Variants in ARHGEF7 observed in about 807,000 individuals in gnomAD.
The protein encoded by ARHGEF7 is Rho guanine nucleotide exchange factor 7.
ARHGEF7 carries 33 observed loss-of-function variants against 109.8 expected under a neutral mutation model. The observed-to-expected ratio is 0.30, with a 90% CI of 0.23 to 0.40. ARHGEF7 has a LOEUF of 0.40. Ranked by LOEUF, ARHGEF7 falls within the 10% of genes least tolerant of loss-of-function variation. The pLI, the probability that ARHGEF7 is intolerant of heterozygous loss-of-function variation, is 1.00. For missense variants in ARHGEF7, 938 were observed against 1,098.5 expected (o/e 0.85, Z 2.07); for synonymous variants, 458 against 424.6 (o/e 1.08, Z -0.97).
At chr13:111,151,566 C>A (rs1018409992) in intron 1 of ARHGEF7, among the ~76,000 whole-genome samples, 1 of 152,092 alleles carries the variant, frequency 6.6e-6, no homozygotes, top group South Asian at 2.1e-4. Context: ...CTTCATCACA[C>A]ACTATAGATG....
At chr13:111,267,724 C>A (rs2091781472) in intron 9 of ARHGEF7, 54 bp downstream of exon 9, 1 of 1,599,434 alleles carries the variant, frequency 6.3e-7, no homozygotes, top group Non-Finnish European at 8.5e-7. Context: ...CTGTGTCCTT[C>A]AAATAGTGCA....
chr13:111,203,312 T>C lies in ARHGEF7; in HGVS notation c.253-1977T>C, dbSNP rs1008332832. Among the ~76,000 whole-genome samples, 12 of 152,368 alleles carry C rather than the reference T, an allele frequency of 7.9e-5. No individual in the cohort carries two copies. In the East Asian group the frequency reaches 2.1e-3, roughly 27 times the overall value. On this transcript the variant is annotated intron_variant, in intron 2 of 21. Transcript: ENST00000646102. ...GGAAGCTGAGGCCTATTTAATTCCTTTTAAAAAATGCAGCTTAACCCGTAT... is the reference window on the plus strand; with the variant it reads ...GGAAGCTGAGGCCTATTTAATTCCTCTTAAAAAATGCAGCTTAACCCGTAT...
At chr13:111,132,935 A>G (rs1304455828) in intron 1 of ARHGEF7, among the ~76,000 whole-genome samples, 1 of 152,040 alleles carries the variant, frequency 6.6e-6, no homozygotes, top group East Asian at 1.9e-4. Flanking sequence ...TACACACATA[A>G]GTACACACAC....
chr13:111,238,478 C>T (rs2087157641), intron 6 of ARHGEF7, among the ~76,000 whole-genome samples: 1 of 152,160 alleles, frequency 6.6e-6, no homozygotes, highest in African/African-American at 2.4e-5. Context: ...ATCACTGAGG[C>T]CACCATACCA....
chr13:111,296,568 CAT>C (rs1249167332), intron 19 of ARHGEF7, among the ~76,000 whole-genome samples: 1 of 152,152 alleles, frequency 6.6e-6, no homozygotes, highest in African/African-American at 2.4e-5. Flanking sequence ...CTCCCACCTC[CAT>C]ACGGAAATAA....
chr13:111,184,407 G>T (rs1952525453), intron 2 of ARHGEF7, among the ~76,000 whole-genome samples: 1 of 152,194 alleles, frequency 6.6e-6, no homozygotes, highest in South Asian at 2.1e-4. Context: ...GGCTAGAGAG[G>T]ATAGGTCTTT....
chr13:111,267,598 C>G lies in ARHGEF7; in HGVS notation c.1001C>G (p.Pro334Arg). The G allele has an allele frequency of 6.2e-7, 1 of 1,614,130 alleles. No homozygotes were observed. The highest frequency in any genetic ancestry group is 8.5e-7 in the Non-Finnish European group (1 of 1,179,986). ...RVGGCFLNLM[P>R]QMKTLYLTYC... ...GGAGGCTGCTTTTTAAACCTGATGC[C>G]ACAGATGAAAACCCTGTACCTCACG... The change falls in exon 9 of 22, where the codon CCA becomes CGA. Residue 334 changes from proline to arginine, a missense_variant. By Grantham distance (103) the Pro-to-Arg change is moderately radical. This residue lies in a region of ARHGEF7 where 585 missense variants were observed against 723.6 expected (regional missense o/e 0.81). Transcript: ENST00000646102.
chr13:111,242,164 A>G (rs1287496500), intron 6 of ARHGEF7, among the ~76,000 whole-genome samples: 2 of 152,172 alleles, frequency 1.3e-5, no homozygotes, highest in Non-Finnish European at 2.9e-5. Context: ...TCCCTTGAAT[A>G]GATCCCTTCA....
Position 111,138,499 on chromosome 13 carries a change from A to C in ARHGEF7, c.166-15406A>C, listed in dbSNP as rs559440240. ...GCATCTCAAAAACAAAAACCAAAAA[A>C]CACAGCTGGGCGAACGGCTGCTCAT... On this transcript the variant is annotated intron_variant, in intron 1 of 21. Transcript: ENST00000646102. Among the ~76,000 whole-genome samples, 79 of 152,176 alleles carry C rather than the reference A, an allele frequency of 5.2e-4. No homozygotes were observed. The Middle Eastern group carries it at 0.01, about 20-fold the overall frequency.
chr13:111,299,442 A>T (rs929326308), intron 19 of ARHGEF7, among the ~76,000 whole-genome samples: 1 of 144,824 alleles, frequency 6.9e-6, no homozygotes, highest in African/African-American at 2.6e-5. Context: ...ACCAGGCTTC[A>T]CACCATTCTC....
intron 1 of ARHGEF7, among the ~76,000 whole-genome samples, chr13:111,123,865 C>G (rs75418774): frequency 1.9e-4 from 7 of 36,018 alleles, no homozygotes; most frequent in South Asian, 8.6e-4. Context: ...GGGCTGCGCC[C>G]CCCCCCCCCG....
At chr13:111,225,501 CTTGTTTTT>C (rs1304356977) in intron 5 of ARHGEF7, among the ~76,000 whole-genome samples, 30 of 151,288 alleles carry the variant, frequency 2.0e-4, no homozygotes, top group Non-Finnish European at 3.2e-4. Flanking sequence ...TTGCACTTTG[CTTGTTTTT>C]TTGTTTTTTT....
chr13:111,210,083 G>A, intron 4 of ARHGEF7, 81 bp downstream of exon 4: 1 of 1,567,514 alleles, frequency 6.4e-7, no homozygotes, highest in Non-Finnish European at 8.7e-7. Context: ...AGATACGTAT[G>A]CCTCCATTAA....
At chr13:111,153,218 C>T (rs1387391794) in intron 1 of ARHGEF7, among the ~76,000 whole-genome samples, 2 of 152,276 alleles carry the variant, frequency 1.3e-5, no homozygotes, top group Admixed American at 1.3e-4. Context: ...TCTCTCCCAA[C>T]GATCAGGGGT....
In ARHGEF7 at chr13:111,301,246, G is replaced by A. The variant is rs182736736; in HGVS notation, c.2412-232G>A. On this transcript the variant is annotated intron_variant, in intron 20 of 21. Transcript: ENST00000646102. ...TTACAGGTGTGAGCCACTGTGCCTG[G>A]CCAGAGCTTCACTTTTAAAATGTCT... Among the ~76,000 whole-genome samples, 260 of 152,298 alleles carry A rather than the reference G, an allele frequency of 1.7e-3. 1 individual carries two copies. The highest frequency in any genetic ancestry group is 3.2e-3 in the Non-Finnish European group (217 of 68,018).
At chr13:111,265,750 T>C in intron 8 of ARHGEF7, 1 of 455,304 alleles carries the variant, frequency 2.2e-6, no homozygotes, top group Non-Finnish European at 4.4e-6. Context: ...GATGCAGCCC[T>C]CATGAATAGG....
chr13:111,122,494 T>C (rs2067263938), intron 1 of ARHGEF7, among the ~76,000 whole-genome samples: 1 of 152,232 alleles, frequency 6.6e-6, no homozygotes, highest in Admixed American at 6.5e-5. Context: ...TTTTAAGGTT[T>C]GATGCACCAG....
intron 2 of ARHGEF7, 112 bp downstream of exon 2, chr13:111,154,103 C>A: frequency 9.0e-7 from 1 of 1,105,258 alleles, no homozygotes; most frequent in Non-Finnish European, 1.2e-6. Context: ...CGGATCCGAC[C>A]CTCCCCGGCT....
At chr13:111,126,038 T>C (rs73633229) in intron 1 of ARHGEF7, among the ~76,000 whole-genome samples, 3,165 of 152,306 alleles carry the variant, frequency 0.021, 108 homozygotes, top group African/African-American at 0.073. Flanking sequence ...AGCAATGTCA[T>C]TGGGGCTTCC....
Sources: allele counts gnomAD v4.1 joint callset (sites outside exome capture counted in the v4.1 genomes callset), GRCh38; gene constraint gnomAD v4.1.1; regional missense constraint gnomAD v4.1.1; transcripts MANE v1.5; gene names NCBI Gene and HGNC (gene_info 2026-07-23, HGNC 2026-07-21).